Variants in ATP2A3 observed in about 807,000 individuals in gnomAD.
ATP2A3 encodes sarcoplasmic/endoplasmic reticulum calcium ATPase 3.
ATP2A3 carries 61 observed loss-of-function variants against 106.8 expected under a neutral mutation model. The ratio of observed to expected loss-of-function variants is 0.57; its 90% CI spans 0.46 to 0.71. The LOEUF (loss-of-function observed/expected upper bound fraction) is 0.71. Ranked by LOEUF, ATP2A3 falls within the 30% of genes least tolerant of loss-of-function variation. The probability of loss-of-function intolerance (pLI) is 0.00; values close to 1 mark genes in which losing one functional copy is unlikely to be tolerated. For synonymous variants in ATP2A3, 611 were observed against 609.3 expected (o/e 1.00, Z -0.04); for missense variants, 1,201 against 1,423.5 (o/e 0.84, Z 2.52).
Position 3,953,812 on chromosome 17 carries a change from C to A in ATP2A3, c.119-102G>T. ...TGGCAGTGCCTCCCCACCGTGCCCG[C>A]CCAGACCCCCACCACGGACTGGATG... On this transcript the variant is annotated intron_variant, in intron 1 of 20. Coordinates refer to ENST00000397041, the MANE Select transcript of ATP2A3 (RefSeq NM_005173.4). This position sits in a 1 kb window ranked among gnomAD's most constrained non-coding sequence, Gnocchi z 5.1. 1 of 1,263,592 alleles carries A rather than the reference C, an allele frequency of 7.9e-7. No individual in the cohort carries two copies. 78.3% of individuals were successfully genotyped at this position (1,263,592 alleles called of 1,614,324 possible). A position where few individuals can be genotyped will look rare whatever the true frequency, so the allele number is the denominator to read the frequency against.
At chr17:3,944,983 C>T (rs1412693982) in intron 9 of ATP2A3, 77 bp downstream of exon 9, 1 of 1,331,236 alleles carries the variant, frequency 7.5e-7, no homozygotes, top group South Asian at 1.7e-5. Flanking sequence ...AGGGGCCTCC[C>T]ACGGCCACCT....
chr17:3,925,381 G>A lies in ATP2A3; in HGVS notation c.*41C>T, dbSNP rs1171410357. On this transcript the variant is annotated 3_prime_UTR_variant, in exon 21 of 21. Transcript: ENST00000397041. This position sits in a 1 kb window ranked among gnomAD's most constrained non-coding sequence, Gnocchi z 4.2. ...GGAGGCGAACACATGGGCACCATCA[G>A]TCTGAGGTACACACCGGAGACTCCA... The A allele has an allele frequency of 6.2e-7, 1 of 1,613,876 alleles. No individual in the cohort carries two copies. Among genetic ancestry groups the A allele is most frequent in the Non-Finnish European group, 8.5e-7 (1 of 1,179,934 alleles).
intron 14 of ATP2A3, among the ~76,000 whole-genome samples, chr17:3,940,460 G>T (rs1261091921): frequency 6.6e-6 from 1 of 152,204 alleles, no homozygotes; most frequent in Non-Finnish European, 1.5e-5. Flanking sequence ...AATGTTAGTT[G>T]TAGAATCCAG....
intron 1 of ATP2A3, among the ~76,000 whole-genome samples, chr17:3,954,764 G>C (rs1235007292): frequency 6.6e-6 from 1 of 151,666 alleles, no homozygotes; most frequent in Non-Finnish European, 1.5e-5. Flanking sequence ...CAAAGTGCTG[G>C]GATTACAGGC....
At chr17:3,950,452 A>G in intron 7 of ATP2A3, 59 bp downstream of exon 7, 1 of 1,572,560 alleles carries the variant, frequency 6.4e-7, no homozygotes, top group Admixed American at 1.7e-5. Context: ...GCGTGATCAT[A>G]ATCCTAATGT....
At position 3,954,938 on chromosome 17, in the gene ATP2A3, C is replaced by T. The variant is rs562591578; in HGVS notation, c.119-1228G>A. 5.3e-5 allele frequency among the ~76,000 whole-genome samples: 8 copies of T among 152,324 alleles called. No individual in the cohort carries two copies. The South Asian group carries it at 1.2e-3, about 24-fold the overall frequency. ...GAGTTCCTGCCCTGCTTCACAGACCCGGGCACGGAGGATCAGGGTGGCGGT... is the reference window on the plus strand; with the variant it reads ...GAGTTCCTGCCCTGCTTCACAGACCTGGGCACGGAGGATCAGGGTGGCGGT... On this transcript the variant is annotated intron_variant, in intron 1 of 20. Coordinates refer to ENST00000397041, the MANE Select transcript of ATP2A3 (RefSeq NM_005173.4).
At chr17:3,948,761 A>G (rs62071735) in intron 7 of ATP2A3, among the ~76,000 whole-genome samples, 31,520 of 151,968 alleles carry the variant, frequency 0.21, 3,661 homozygotes, top group Middle Eastern at 0.26. Context: ...CTGGAGCAAC[A>G]GCTCTCAGAG....
chr17:3,959,901 T>C (rs2055045554), intron 1 of ATP2A3, among the ~76,000 whole-genome samples: 1 of 152,328 alleles, frequency 6.6e-6, no homozygotes, highest in African/African-American at 2.4e-5. Context: ...TTCGTCCGAC[T>C]GTGCTATGGG....
In ATP2A3 at chr17:3,936,529, C is replaced by T; in HGVS notation, c.2322-60G>A. 5.7e-6 allele frequency: 9 copies of T among 1,582,902 alleles called. No individual in the cohort carries two copies. Among genetic ancestry groups the T allele is most frequent in the Non-Finnish European group, 7.8e-6 (9 of 1,154,076 alleles). ...CCTAGCCCCCGGCAGATGCAGGCTC[C>T]AGCTCCTGCTCAGACCCAAGGCTGG... On this transcript the variant is annotated intron_variant, in intron 15 of 20. Transcript: ENST00000397041. This position sits in a 1 kb window ranked among gnomAD's most constrained non-coding sequence, Gnocchi z 5.4.
Position 3,953,824 on chromosome 17 carries a change from C to T in ATP2A3, c.119-114G>A. ...CCCACCGTGCCCGCCCAGACCCCCA[C>T]CACGGACTGGATGTATCCCCAGGGC... On this transcript the variant is annotated intron_variant, in intron 1 of 20. Coordinates refer to ENST00000397041, the MANE Select transcript of ATP2A3 (RefSeq NM_005173.4). This position sits in a 1 kb window ranked among gnomAD's most constrained non-coding sequence, Gnocchi z 5.1. 2 of 1,155,148 alleles carry T rather than the reference C, an allele frequency of 1.7e-6. No homozygotes were observed. The highest frequency in any genetic ancestry group is 2.5e-6 in the Non-Finnish European group (2 of 787,922). 71.6% of individuals were successfully genotyped at this position (1,155,148 alleles called of 1,614,324 possible). A position where few individuals can be genotyped will look rare whatever the true frequency, so the allele number is the denominator to read the frequency against.
intron 16 of ATP2A3, among the ~76,000 whole-genome samples, chr17:3,935,498 A>T (rs553682798): frequency 4.4e-4 from 66 of 150,476 alleles, no homozygotes; most frequent in African/African-American, 1.5e-3. Flanking sequence ...TGAGCAGGTG[A>T]ACCCTATGTG....
rs776418170 is a variant in ATP2A3, at chr17:3,941,060, G to A, written c.2011C>T (p.Arg671Cys). ...ACGCGGGCGAAGCAGCGGGCGGTGC[G>A]GCAGGCCTGGCGCTGCTGCTCGGGG... ...LSPEQQRQAC[R>C]TARCFARVEP... Residue 671 changes from arginine (R) to cysteine (C), a missense_variant, in exon 14 of 21, where the codon CGC (arginine) becomes TGC (cysteine). By Grantham distance (180) the Arg-to-Cys change is radical (BLOSUM62 -3). Coordinates refer to ENST00000397041, the MANE Select transcript of ATP2A3 (RefSeq NM_005173.4). The A allele has an allele frequency of 8.7e-6, 14 of 1,613,390 alleles. No homozygotes were observed. The highest frequency in any genetic ancestry group is 4.5e-5 in the East Asian group (2 of 44,866).
Position 3,929,494 on chromosome 17 carries a change from TG to T in ATP2A3, c.2745-50del. 2 of 1,483,556 alleles carry T rather than the reference TG, an allele frequency of 1.3e-6. No individual in the cohort carries two copies. The highest frequency in any genetic ancestry group is 1.8e-6 in the Non-Finnish European group (2 of 1,085,224). 91.9% of individuals were successfully genotyped at this position (1,483,556 alleles called of 1,614,324 possible). On this transcript the variant is annotated intron_variant, in intron 18 of 20. Coordinates refer to ENST00000397041, the MANE Select transcript of ATP2A3 (RefSeq NM_005173.4). The surrounding 1 kb of genome is among the most constrained non-coding windows in gnomAD (Gnocchi z 4.3). ...CTTAGGCCGGGGTGCAGGGAGGCCCTGCCAGGCACCCACCCCCATGGGAGGA... is the reference window on the plus strand; with the variant it reads ...CTTAGGCCGGGGTGCAGGGAGGCCCTCCAGGCACCCACCCCCATGGGAGGA...
Position 3,930,403 on chromosome 17 carries a change from G to C in ATP2A3, c.2642C>G (p.Pro881Arg), listed in dbSNP as rs778832579. ...CTCACAGTCGATGCCGGCAAAGAGC[G>C]GGTTGTCTTCGGAGCACTTCAGGAA... ...RNFLKCSEDN[P>R]LFAGIDCEVF... The change falls in exon 18 of 21, where the codon CCG becomes CGG. Residue 881 changes from proline to arginine, a missense_variant. By Grantham distance (103) the Pro-to-Arg change is moderately radical (BLOSUM62 -2). Transcript: ENST00000397041. The surrounding 1 kb of genome is among the most constrained non-coding windows in gnomAD (Gnocchi z 5.4). The C allele has an allele frequency of 1.2e-6, 2 of 1,613,994 alleles. No individual in the cohort carries two copies.
rs1464925593 is a variant in ATP2A3, at chr17:3,941,628, G to A, written c.1572C>T (p.Arg524=). 2 of 1,609,810 alleles carry A rather than the reference G, an allele frequency of 1.2e-6. No individual in the cohort carries two copies. The highest frequency in any genetic ancestry group is 1.7e-6 in the Non-Finnish European group (2 of 1,180,006). ...VKGAPESVIE[R]CSSVRVGSRT... ...GGCTCCCCACGCGGACTGAGCTACAGCGCTCGATCACACTCTCAGGAGCCC... is the reference window on the plus strand; with the variant it reads ...GGCTCCCCACGCGGACTGAGCTACAACGCTCGATCACACTCTCAGGAGCCC... Residue 524 remains arginine (R), a synonymous_variant, in exon 13 of 21, where the codon CGC becomes CGT. Transcript: ENST00000397041.
At chr17:3,956,875 C>T (rs530121476) in intron 1 of ATP2A3, among the ~76,000 whole-genome samples, 4 of 152,364 alleles carry the variant, frequency 2.6e-5, no homozygotes, top group South Asian at 4.1e-4. Flanking sequence ...CCTGACCTGC[C>T]GCTGAGCACA....
rs2052927054 is a variant in ATP2A3, at chr17:3,929,538, GC to G, written c.2745-94del. On this transcript the variant is annotated intron_variant, in intron 18 of 20. Coordinates refer to ENST00000397041, the MANE Select transcript of ATP2A3 (RefSeq NM_005173.4). The surrounding 1 kb of genome is among the most constrained non-coding windows in gnomAD (Gnocchi z 4.3). ...TGGGAGGAGCCTCACCACTTCTCTAGCGGTGCATTGCTGTTGCCCGCTCGGC... is the reference window on the plus strand; with the variant it reads ...TGGGAGGAGCCTCACCACTTCTCTAGGGTGCATTGCTGTTGCCCGCTCGGC... 1 of 1,097,822 alleles carries G rather than the reference GC, an allele frequency of 9.1e-7. No homozygotes were observed. Among genetic ancestry groups the G allele is most frequent in the African/African-American group, 1.6e-5 (1 of 63,888 alleles). 68.0% of individuals were successfully genotyped at this position (1,097,822 alleles called of 1,614,324 possible).
rs988227513 is a variant in ATP2A3 at position 3,936,899 on chromosome 17, G to A, written c.2322-430C>T. ...TCCATCCATGTCCAGCAACACACAC[G>A]CTCACCATTCCCCACAGGCATCCTC... On this transcript the variant is annotated intron_variant, in intron 15 of 20. Coordinates refer to ENST00000397041, the MANE Select transcript of ATP2A3 (RefSeq NM_005173.4). The surrounding 1 kb of genome is among the most constrained non-coding windows in gnomAD (Gnocchi z 5.4). The A allele has an allele frequency of 1.5e-5, 5 of 326,326 alleles. No homozygotes were observed. Among genetic ancestry groups the A allele is most frequent in the East Asian group, 7.7e-5 (1 of 12,966 alleles). 20.2% of individuals were successfully genotyped at this position (326,326 alleles called of 1,614,324 possible).
intron 1 of ATP2A3, among the ~76,000 whole-genome samples, chr17:3,958,282 G>A (rs775742870): frequency 1.9e-4 from 29 of 152,202 alleles, no homozygotes; most frequent in African/African-American, 6.8e-4. Flanking sequence ...CAGTGAACAC[G>A]CTCCAGCCAG....
Sources: allele counts gnomAD v4.1 joint callset (sites outside exome capture counted in the v4.1 genomes callset), GRCh38; gene constraint gnomAD v4.1.1; non-coding constraint Gnocchi (gnomAD v3.1); transcripts MANE v1.5; gene names NCBI Gene and HGNC (gene_info 2026-07-23, HGNC 2026-07-21).